The following WDR70 variants were observed in gnomAD, a reference collection of about 807,000 sequenced individuals.
WDR70 encodes WD repeat-containing protein 70.
A neutral mutation model predicts 88.6 loss-of-function variants in WDR70; 53 were observed. The ratio of observed to expected loss-of-function variants is 0.60; its 90% confidence interval spans 0.48 to 0.75. The LOEUF (loss-of-function observed/expected upper bound fraction) is 0.75, where lower values mean the gene tolerates loss of function less well. Ranked by LOEUF, WDR70 falls within the 30% of genes least tolerant of loss-of-function variation. WDR70 has a pLI of 0.00. For synonymous variants in WDR70, 280 were observed against 270.0 expected, an observed-to-expected ratio of 1.04 and a Z score of -0.36; for missense variants, 610 against 823.2, an observed-to-expected ratio of 0.74 and a Z score of 3.17.
intron 9 of WDR70, among the ~76,000 whole-genome samples, chr5:37,534,499 C>CT (rs369030841): frequency 0.1 from 13,256 of 132,980 alleles, 2,168 homozygotes; most frequent in African/African-American, 0.33. Flanking sequence ...ACAAATCAGG[C>CT]TTTTTTTTTT....
At chr5:37,594,915 G>A (rs1253893875) in intron 9 of WDR70, among the ~76,000 whole-genome samples, 1 of 152,150 alleles carries the variant, frequency 6.6e-6, no homozygotes, top group African/African-American at 2.4e-5. Flanking sequence ...GTAAATGGGA[G>A]TTCACTCATG....
chr5:37,662,572 T>G (rs140681495), intron 10 of WDR70, among the ~76,000 whole-genome samples: 1 of 152,318 alleles, frequency 6.6e-6, no homozygotes, highest in African/African-American at 2.4e-5. Flanking sequence ...TCATGTTACC[T>G]TAAGGCAGTC....
intron 3 of WDR70, 123 bp downstream of exon 3, chr5:37,381,808 C>T (rs1026544848): frequency 7.7e-6 from 7 of 911,104 alleles, no homozygotes; most frequent in Non-Finnish European, 9.7e-6. Context: ...AATCCCAGCA[C>T]TTAGGGAGGC....
chr5:37,587,886 T>C (rs922650027), intron 9 of WDR70, among the ~76,000 whole-genome samples: 1 of 151,588 alleles, frequency 6.6e-6, no homozygotes, highest in Non-Finnish European at 1.5e-5. Flanking sequence ...TTCAAGTGAT[T>C]CTCGTGCCTC....
intron 10 of WDR70, among the ~76,000 whole-genome samples, chr5:37,675,024 A>G (rs1020822212): frequency 9.9e-5 from 15 of 151,588 alleles, no homozygotes; most frequent in Non-Finnish European, 2.1e-4. Flanking sequence ...GGCTGCATAA[A>G]TGTCTTCTTT....
At chr5:37,473,725 G>A (rs1292642156) in intron 7 of WDR70, among the ~76,000 whole-genome samples, 4 of 152,164 alleles carry the variant, frequency 2.6e-5, no homozygotes, top group Non-Finnish European at 5.9e-5. Context: ...TTTTTAGAAA[G>A]TCACATGAAT....
At chr5:37,554,721 G>A (rs1229423856) in intron 9 of WDR70, among the ~76,000 whole-genome samples, 16 of 148,412 alleles carry the variant, frequency 1.1e-4, no homozygotes, top group Non-Finnish European at 1.9e-4. Flanking sequence ...AAATAGACAG[G>A]GTATTGCTAT....
intron 7 of WDR70, among the ~76,000 whole-genome samples, chr5:37,455,522 G>A (rs1177879280): frequency 6.6e-6 from 1 of 151,688 alleles, no homozygotes; most frequent in Non-Finnish European, 1.5e-5. Context: ...GATTACAGGC[G>A]TGAGCCATTG....
At chr5:37,459,132 CG>C (rs1320193574) in intron 7 of WDR70, among the ~76,000 whole-genome samples, 10 of 59,818 alleles carry the variant, frequency 1.7e-4, no homozygotes, top group Non-Finnish European at 2.8e-4. Flanking sequence ...TGTAGTTGAG[CG>C]GCTTTGAGTG....
chr5:37,684,746 G>A (rs1465942530), intron 10 of WDR70, among the ~76,000 whole-genome samples: 1 of 152,220 alleles, frequency 6.6e-6, no homozygotes, highest in Non-Finnish European at 1.5e-5. Context: ...AAAGCATTTT[G>A]TAGGGTGGTG....
chr5:37,660,296 G>C, intron 10 of WDR70, among the ~76,000 whole-genome samples: 1 of 152,124 alleles, frequency 6.6e-6, no homozygotes, highest in Non-Finnish European at 1.5e-5. Flanking sequence ...TGGGGATAGA[G>C]TATTCTATAA....
intron 8 of WDR70, among the ~76,000 whole-genome samples, chr5:37,494,566 A>T (rs1382071893): frequency 6.6e-6 from 1 of 152,216 alleles, no homozygotes; most frequent in Non-Finnish European, 1.5e-5. Context: ...GATATTGAAA[A>T]TTTAAGAATT....
intron 13 of WDR70, among the ~76,000 whole-genome samples, chr5:37,710,538 C>G (rs1180050871): frequency 6.6e-6 from 1 of 152,146 alleles, no homozygotes; most frequent in Non-Finnish European, 1.5e-5. Flanking sequence ...TAGGGTGAGG[C>G]AAGTGAGATG....
At chr5:37,386,134 A>T (rs2111861764) in intron 3 of WDR70, among the ~76,000 whole-genome samples, 1 of 152,184 alleles carries the variant, frequency 6.6e-6, no homozygotes, top group Admixed American at 6.5e-5. Flanking sequence ...ATATTATACC[A>T]CAATATCATC....
chr5:37,466,212 C>T lies in WDR70; in HGVS notation c.687-13622C>T, dbSNP rs1739144846. Among the ~76,000 whole-genome samples the T allele has an allele frequency of 2.0e-5, 3 of 152,234 alleles. No homozygotes were observed. The South Asian group carries it at 6.2e-4, about 32-fold the overall frequency. On this transcript the variant is annotated intron_variant, in intron 7 of 17. Coordinates refer to ENST00000265107, the MANE Select transcript of WDR70 (RefSeq NM_018034.4). ...ATTATTATCCAATGGACTTTTATAGCTTTCATTAGGTTTTCTTTTGTTTCT... is the reference window on the plus strand; with the variant it reads ...ATTATTATCCAATGGACTTTTATAGTTTTCATTAGGTTTTCTTTTGTTTCT...
chr5:37,675,949 C>T (rs1464396359), intron 10 of WDR70, among the ~76,000 whole-genome samples: 40 of 151,998 alleles, frequency 2.6e-4, no homozygotes, highest in South Asian at 1.0e-3. Flanking sequence ...AGGTCCTTCA[C>T]GTCCCTTGTA....
At chr5:37,677,142 T>C (rs1479307736) in intron 10 of WDR70, among the ~76,000 whole-genome samples, 1 of 152,188 alleles carries the variant, frequency 6.6e-6, no homozygotes, top group African/African-American at 2.4e-5. Flanking sequence ...TTTATTAGTC[T>C]TGCTAGTGGT....
intron 10 of WDR70, among the ~76,000 whole-genome samples, chr5:37,610,198 G>A (rs867477970): frequency 2.6e-5 from 4 of 151,304 alleles, no homozygotes; most frequent in African/African-American, 7.3e-5. Context: ...TCTGGGAGGC[G>A]GAGGTTGCAG....
Position 37,488,756 on chromosome 5 carries a change from G to C in WDR70, c.840+8769G>C, listed in dbSNP as rs75308609. ...CTTGTATATCACTGAGCTTCTTTTA[G>C]ACTACGATTTCGAATTTTTTTCAGA... On this transcript the variant is annotated intron_variant, in intron 8 of 17. Coordinates refer to ENST00000265107, the MANE Select transcript of WDR70 (RefSeq NM_018034.4). Among the ~76,000 whole-genome samples, 546 of 152,004 alleles carry C rather than the reference G, an allele frequency of 3.6e-3. 3 individuals carry two copies. The highest frequency in any genetic ancestry group is 0.013 in the African/African-American group (524 of 41,498).
Sources: gnomAD v4.1 joint callset for allele counts (sites outside exome capture counted in the v4.1 genomes callset) on GRCh38, gnomAD v4.1.1 for gene constraint, MANE v1.5 for transcripts, NCBI Gene and HGNC (gene_info 2026-07-23, HGNC 2026-07-21) for gene names.